CHD7: variants seen among roughly 807,000 people sequenced by gnomAD.
The protein encoded by CHD7 is ATP-dependent chromatin remodeler CHD7.
CHD7 carries 24 observed loss-of-function variants against 307.3 expected under a neutral mutation model. The ratio of observed to expected loss-of-function variants is 0.08; its 90% CI spans 0.06 to 0.11. The LOEUF (loss-of-function observed/expected upper bound fraction) is 0.11. Ranked by LOEUF, CHD7 falls within the 10% of genes least tolerant of loss-of-function variation. CHD7 has a pLI of 1.00. For missense variants in CHD7, 3,106 were observed against 3,727.1 expected, an observed-to-expected ratio of 0.83 and a Z score of 4.34; for synonymous variants, 1,363 against 1,349.9, an observed-to-expected ratio of 1.01 and a Z score of -0.21.
chr8:60,709,220 A>G (rs1389166040), intron 1 of CHD7, among the ~76,000 whole-genome samples: 1 of 152,174 alleles, frequency 6.6e-6, no homozygotes, highest in Non-Finnish European at 1.5e-5. Context: ...CTAAGCAATA[A>G]CCCAGGTGCA....
In CHD7 at chr8:60,853,102, A is replaced by T. The variant is rs1064794182; in HGVS notation, c.6377A>T (p.Asp2126Val). The change falls in exon 31 of 38, where the codon GAT becomes GTT. Residue 2126 changes from aspartate (D) to valine (V), a missense_variant. Asp to Val is a radical substitution (Grantham distance 152). Coordinates refer to ENST00000423902, the MANE Select transcript of CHD7 (RefSeq NM_017780.4). ...AATGACCCTGAGTTATCCTTCTTGG[A>T]TGCACATAAAAACTTTGCTCAAAAC... ...ILNDPELSFL[D>V]AHKNFAQNRG... 3 of 1,613,960 alleles carry T rather than the reference A, an allele frequency of 1.9e-6. No individual in the cohort carries two copies. Among genetic ancestry groups the T allele is most frequent in the East Asian group, 2.2e-5 (1 of 44,878 alleles).
chr8:60,865,565 G>A lies in CHD7; in HGVS notation c.8626G>A (p.Ala2876Thr). 1.2e-6 allele frequency: 2 copies of A among 1,614,054 alleles called. No homozygotes were observed. The highest frequency in any genetic ancestry group is 1.7e-6 in the Non-Finnish European group (2 of 1,179,896). Residue 2876 changes from alanine (A) to threonine (T), a missense_variant, in exon 38 of 38, where the codon GCT becomes ACT. Physicochemically the swap from Ala to Thr is moderately conservative, Grantham distance 58. Around this residue, in one of 10 missense-constraint regions of CHD7, gnomAD observed 351 missense variants for 366.2 expected, o/e 0.96. Coordinates refer to ENST00000423902, the MANE Select transcript of CHD7 (RefSeq NM_017780.4). This position sits in a 1 kb window ranked among gnomAD's most constrained non-coding sequence, Gnocchi z 4.3. ...TGACTCTGCGAATGGATCTGTTGGT[G>A]CTGCTACTGCCCCGGCTGGATTGCC... ...AADSANGSVG[A>T]ATAPAGLPSN... is the part of the protein sequence containing the mutation.
At position 60,808,212 on chromosome 8, in the gene CHD7, T is replaced by TG. The variant is rs1207292215; in HGVS notation, c.2443-4dup. 3.1e-6 allele frequency: 5 copies of TG among 1,588,112 alleles called. No homozygotes were observed. In the Admixed American group the frequency reaches 8.5e-5, roughly 27 times the overall value. On this transcript the variant is annotated splice_region_variant and splice_polypyrimidine_tract_variant and intron_variant, in intron 6 of 37. Coordinates refer to ENST00000423902, the MANE Select transcript of CHD7 (RefSeq NM_017780.4). ...ATACATGCCTGAAATTTTCTTTTGT[T>TG]GCAGAAGGAATCTGGAGAGGAGGTA... is the stretch of plus-strand genomic sequence containing the variant.
intron 7 of CHD7, among the ~76,000 whole-genome samples, chr8:60,812,536 T>C (rs1405992317): frequency 2.0e-5 from 3 of 151,528 alleles, no homozygotes; most frequent in Non-Finnish European, 4.4e-5. Context: ...TGGTGGCGGG[T>C]GCCTGTAATC....
chr8:60,684,258 C>G lies in CHD7; in HGVS notation c.-175+5176C>G, dbSNP rs557865416. Among the ~76,000 whole-genome samples, 185 of 152,266 alleles carry G rather than the reference C, an allele frequency of 1.2e-3. 1 individual carries two copies. The highest frequency in any genetic ancestry group is 4.4e-3 in the African/African-American group (181 of 41,546). On this transcript the variant is annotated intron_variant, in intron 1 of 37. Transcript: ENST00000423902. ...ATCTAAGGCACTTTTTAAAGTGACC[C>G]TTTGAGCCTTGCTTCCTCTGTGCAT...
intron 2 of CHD7, among the ~76,000 whole-genome samples, chr8:60,768,047 T>C (rs768380488): frequency 1.3e-5 from 2 of 152,238 alleles, no homozygotes; most frequent in Non-Finnish European, 2.9e-5. Flanking sequence ...ATTTGTATTC[T>C]AGTATATTTT....
At chr8:60,797,089 C>T (rs1196733763) in intron 4 of CHD7, among the ~76,000 whole-genome samples, 1 of 152,128 alleles carries the variant, frequency 6.6e-6, no homozygotes, top group African/African-American at 2.4e-5. Flanking sequence ...AAAGGCAGTT[C>T]TTACATTTCA....
At chr8:60,816,113 G>GTCTGTCTGTCTGTCTCTCTC (rs58405811) in intron 7 of CHD7, among the ~76,000 whole-genome samples, 34 of 139,320 alleles carry the variant, frequency 2.4e-4, no homozygotes, top group African/African-American at 9.1e-4. Context: ...CTGTCTGTCT[G>GTCTGTCTGTCTGTCTCTCTC]TCTCTCTCTC....
intron 2 of CHD7, among the ~76,000 whole-genome samples, chr8:60,744,519 T>C (rs1427860737): frequency 6.9e-6 from 1 of 145,496 alleles, no homozygotes; most frequent in Non-Finnish European, 1.5e-5. Flanking sequence ...GTGATAATTG[T>C]CTTCTATGCT....
chr8:60,751,913 A>G (rs1007378619), intron 2 of CHD7, among the ~76,000 whole-genome samples: 2 of 152,186 alleles, frequency 1.3e-5, no homozygotes, highest in Non-Finnish European at 2.9e-5. Context: ...ATCCTGGACA[A>G]TTTCCAGGAC....
At chr8:60,763,600 A>T (rs1490532774) in intron 2 of CHD7, among the ~76,000 whole-genome samples, 2 of 152,166 alleles carry the variant, frequency 1.3e-5, no homozygotes, top group Admixed American at 6.6e-5. Flanking sequence ...TCAGGAATAA[A>T]GGGGCAGGAA....
intron 1 of CHD7, among the ~76,000 whole-genome samples, chr8:60,720,437 C>G (rs1002262596): frequency 1.1e-4 from 17 of 152,134 alleles, no homozygotes; most frequent in Non-Finnish European, 1.6e-4. Flanking sequence ...GTGCACTCAC[C>G]AACTGTGGAC....
chr8:60,826,792 C>T (rs973686620), intron 13 of CHD7, among the ~76,000 whole-genome samples: 4 of 152,164 alleles, frequency 2.6e-5, no homozygotes, highest in African/African-American at 9.7e-5. Flanking sequence ...CATGGTAGTT[C>T]TTCATTGATT....
chr8:60,839,391 A>G (rs1394396608), intron 19 of CHD7, among the ~76,000 whole-genome samples: 1 of 152,178 alleles, frequency 6.6e-6, no homozygotes, highest in Non-Finnish European at 1.5e-5. Context: ...TGTTATGGAT[A>G]TTTGTGTACA....
chr8:60,820,268 C>CT (rs1279183991), intron 9 of CHD7, among the ~76,000 whole-genome samples, 178 bp downstream of exon 9: 1 of 152,006 alleles, frequency 6.6e-6, no homozygotes, highest in Non-Finnish European at 1.5e-5. Flanking sequence ...AATAATAGTG[C>CT]TAAATATGTT....
chr8:60,851,221 C>A (rs772134206), intron 27 of CHD7, 41 bp from the exon 28 acceptor site: 6 of 1,529,994 alleles, frequency 3.9e-6, no homozygotes, highest in Non-Finnish European at 4.4e-6. Flanking sequence ...AAAAATGAGA[C>A]CCCAAATTAA....
intron 1 of CHD7, among the ~76,000 whole-genome samples, chr8:60,704,318 A>C (rs989142612): frequency 1.1e-4 from 16 of 152,106 alleles, no homozygotes; most frequent in African/African-American, 3.9e-4. Flanking sequence ...CAGTGGGCCA[A>C]ATGACCACAC....
At chr8:60,768,686 A>G (rs1406336812) in intron 2 of CHD7, among the ~76,000 whole-genome samples, 1 of 152,196 alleles carries the variant, frequency 6.6e-6, no homozygotes, top group African/African-American at 2.4e-5. Flanking sequence ...AGTAATTGCT[A>G]TTTACATTTC....
At chr8:60,731,337 A>C (rs1028841907) in intron 1 of CHD7, among the ~76,000 whole-genome samples, 1 of 152,222 alleles carries the variant, frequency 6.6e-6, no homozygotes, top group Non-Finnish European at 1.5e-5. Flanking sequence ...AATTTGTGCT[A>C]ATTTTGCTGT....
Sources: gnomAD v4.1 joint callset for allele counts (sites outside exome capture counted in the v4.1 genomes callset) on GRCh38, gnomAD v4.1.1 for gene constraint, gnomAD v4.1.1 regional missense constraint, Gnocchi (gnomAD v3.1) non-coding constraint, MANE v1.5 for transcripts, NCBI Gene and HGNC (gene_info 2026-07-23, HGNC 2026-07-21) for gene names.